SPATA16: variants seen among roughly 807,000 people sequenced by gnomAD.
The protein encoded by SPATA16 is spermatogenesis associated 16.
Under a neutral mutation model 63.3 loss-of-function variants are expected in SPATA16, and 36 were observed. The ratio of observed to expected loss-of-function variants is 0.57; its 90% CI spans 0.44 to 0.75. The LOEUF (loss-of-function observed/expected upper bound fraction) is 0.75. Among genes scored for constraint, SPATA16 ranks in the 30% least tolerant of loss-of-function variants. SPATA16 has a pLI of 0.00. For synonymous variants in SPATA16, 203 were observed against 216.7 expected, an observed-to-expected ratio of 0.94 and a Z score of 0.56; for missense variants, 646 against 679.3, an observed-to-expected ratio of 0.95 and a Z score of 0.54.
intron 8 of SPATA16, among the ~76,000 whole-genome samples, chr3:172,923,838 A>G (rs1041096353): frequency 3.3e-5 from 5 of 152,188 alleles, no homozygotes; most frequent in Admixed American, 2.0e-4. Context: ...AGGTAATGAG[A>G]TGGTTATATG....
chr3:172,900,354 C>A (rs1156668165), intron 10 of SPATA16, among the ~76,000 whole-genome samples: 1 of 152,108 alleles, frequency 6.6e-6, no homozygotes, highest in Non-Finnish European at 1.5e-5. Context: ...TGCCTTTAGT[C>A]TTCAGAAGTT....
chr3:173,074,627 A>G (rs925143762), intron 2 of SPATA16, among the ~76,000 whole-genome samples: 1 of 152,086 alleles, frequency 6.6e-6, no homozygotes, highest in African/African-American at 2.4e-5. Flanking sequence ...CTTTTTCTTT[A>G]TAAATTACCC....
intron 10 of SPATA16, among the ~76,000 whole-genome samples, chr3:172,912,228 G>C (rs760755566): frequency 6.6e-6 from 1 of 152,028 alleles, no homozygotes; most frequent in Non-Finnish European, 1.5e-5. Flanking sequence ...CAGTGTTTCT[G>C]ACCTCCCAGA....
intron 1 of SPATA16, among the ~76,000 whole-genome samples, chr3:173,126,695 A>T (rs1197341917): frequency 6.6e-6 from 1 of 152,208 alleles, no homozygotes; most frequent in Non-Finnish European, 1.5e-5. Flanking sequence ...AAAATACTCT[A>T]ATCTGTTTAT....
intron 1 of SPATA16, among the ~76,000 whole-genome samples, chr3:173,119,868 A>G (rs1218828661): frequency 6.6e-6 from 1 of 152,192 alleles, no homozygotes; most frequent in Non-Finnish European, 1.5e-5. Context: ...CAGGTGGATC[A>G]TCTGAGGTCA....
chr3:173,004,737 A>C (rs1364398621), intron 4 of SPATA16, among the ~76,000 whole-genome samples: 1 of 152,228 alleles, frequency 6.6e-6, no homozygotes, highest in African/African-American at 2.4e-5. Context: ...TCATTTTTAA[A>C]ATTGAGAGTT....
chr3:173,023,474 T>C (rs1396928767), intron 3 of SPATA16, among the ~76,000 whole-genome samples: 1 of 152,000 alleles, frequency 6.6e-6, no homozygotes, highest in African/African-American at 2.4e-5. Context: ...TGTGAATATA[T>C]TTGTTAGTTA....
At chr3:173,028,122 A>T (rs931825670) in intron 3 of SPATA16, among the ~76,000 whole-genome samples, 2 of 148,568 alleles carry the variant, frequency 1.3e-5, no homozygotes, top group Non-Finnish European at 3.0e-5. Context: ...TTAGGCAAAG[A>T]TGCCCATCTA....
chr3:173,079,521 G>A (rs1166383302), intron 2 of SPATA16, among the ~76,000 whole-genome samples: 1 of 152,048 alleles, frequency 6.6e-6, no homozygotes, highest in African/African-American at 2.4e-5. Flanking sequence ...TAAAAGTAAT[G>A]TTATTGTTAT....
At position 173,137,822 on chromosome 3, in the gene SPATA16, AACACACACAC is replaced by A. The variant is rs1185263699; in HGVS notation, c.-19+3271_-19+3280del. Among the ~76,000 whole-genome samples the A allele has an allele frequency of 5.5e-3, 678 of 122,278 alleles. 6 individuals carry two copies. Among genetic ancestry groups the A allele is most frequent in the African/African-American group, 0.018 (614 of 33,402 alleles). The allele number at this position is 122,278 out of a possible 152,430, so 80.2% of individuals were successfully genotyped here. A position where few individuals can be genotyped will look rare whatever the true frequency, so the allele number is the denominator to read the frequency against. Reference sequence around the variant, plus strand: ...TCTGAGGGGGATCCCATGGACTCTCAACACACACACACACACACACACACACACACACACA... The same window carrying A: ...TCTGAGGGGGATCCCATGGACTCTCAACACACACACACACACACACACACA... On this transcript the variant is annotated intron_variant, in intron 1 of 10. Transcript: ENST00000351008.
chr3:173,017,289 C>T (rs1268296782), intron 4 of SPATA16, among the ~76,000 whole-genome samples: 1 of 152,160 alleles, frequency 6.6e-6, no homozygotes, highest in Non-Finnish European at 1.5e-5. Context: ...ATTATCAGGT[C>T]AGTCATCAAA....
chr3:173,052,606 A>G (rs1042663427), intron 2 of SPATA16, among the ~76,000 whole-genome samples: 3 of 152,230 alleles, frequency 2.0e-5, no homozygotes, highest in African/African-American at 7.2e-5. Context: ...TTATAGGTAC[A>G]TGTAGACAAA....
intron 6 of SPATA16, among the ~76,000 whole-genome samples, chr3:172,929,048 T>C (rs935710832): frequency 6.6e-6 from 1 of 152,214 alleles, no homozygotes; most frequent in African/African-American, 2.4e-5. Flanking sequence ...TCTGTGCCTC[T>C]GATGGATATA....
At chr3:173,100,705 C>G (rs2901854) in intron 2 of SPATA16, among the ~76,000 whole-genome samples, 23,981 of 137,636 alleles carry the variant, frequency 0.17, 2,091 homozygotes, top group South Asian at 0.24. Context: ...CACACACACA[C>G]ACAGAGTAAA....
chr3:173,121,178 G>T (rs28637148), intron 1 of SPATA16, among the ~76,000 whole-genome samples: 2 of 150,418 alleles, frequency 1.3e-5, no homozygotes, highest in Admixed American at 6.6e-5. Context: ...GTTGAAAATC[G>T]GATGACTTTA....
chr3:173,106,815 C>T (rs1737632102), intron 2 of SPATA16, among the ~76,000 whole-genome samples: 1 of 152,144 alleles, frequency 6.6e-6, no homozygotes, highest in Non-Finnish European at 1.5e-5. Context: ...CCCTACTTTT[C>T]CATTTAGCTA....
intron 10 of SPATA16, among the ~76,000 whole-genome samples, chr3:172,911,748 C>A (rs1270762873): frequency 6.6e-6 from 1 of 152,148 alleles, no homozygotes; most frequent in East Asian, 1.9e-4. Context: ...CTTTTCTTTT[C>A]TCTCAACTCC....
intron 4 of SPATA16, among the ~76,000 whole-genome samples, chr3:173,015,068 T>C (rs989377638): frequency 1.3e-5 from 2 of 149,978 alleles, no homozygotes; most frequent in African/African-American, 2.4e-5. Context: ...TTTTCTCTTT[T>C]TTTTTTTTTT....
chr3:172,901,751 T>C (rs562243263), intron 10 of SPATA16, among the ~76,000 whole-genome samples: 38 of 152,144 alleles, frequency 2.5e-4, no homozygotes, highest in African/African-American at 7.5e-4. Context: ...GTGATGGGAG[T>C]TCAAGCTCCT....
Sources: gnomAD v4.1 joint callset for allele counts (sites outside exome capture counted in the v4.1 genomes callset) on GRCh38, gnomAD v4.1.1 for gene constraint, MANE v1.5 for transcripts, NCBI Gene and HGNC (gene_info 2026-07-23, HGNC 2026-07-21) for gene names.